The following KHDRBS1 variants were observed in gnomAD, a reference collection of about 807,000 sequenced individuals.
The protein encoded by KHDRBS1 is KH domain-containing, RNA-binding, signal transduction-associated protein 1.
In KHDRBS1, 7 loss-of-function variants were observed where a neutral mutation model predicts 48.4. The ratio of observed to expected loss-of-function variants is 0.14; its 90% CI spans 0.08 to 0.27. KHDRBS1 has a LOEUF of 0.27. KHDRBS1 is among the 10% of genes least tolerant of loss of function. The pLI, the probability that KHDRBS1 is intolerant of heterozygous loss-of-function variation, is 1.00. For synonymous variants in KHDRBS1, 241 were observed against 235.8 expected, an observed-to-expected ratio of 1.02 and a Z score of -0.20; for missense variants, 458 against 601.2, an observed-to-expected ratio of 0.76 and a Z score of 2.49.
At chr1:32,037,733 G>A (rs1639209278) in intron 5 of KHDRBS1, 102 bp from the exon 6 acceptor site, 1 of 1,263,136 alleles carries the variant, frequency 7.9e-7, no homozygotes, top group East Asian at 2.3e-5. Context: ...CCTAGTTAAG[G>A]CTTCATAAAA....
rs550668762 is a variant in KHDRBS1 at position 32,022,567 on chromosome 1, C to T, written c.383-7731C>T. On this transcript the variant is annotated intron_variant, in intron 1 of 8. Coordinates refer to ENST00000327300, the MANE Select transcript of KHDRBS1 (RefSeq NM_006559.3). ...CTCTGGATACTTAGAAAATCTTGAC[C>T]ATTGTCTTGTTCCTTATGCAGGCCA... is the stretch of plus-strand genomic sequence containing the variant. 2.0e-5 allele frequency among the ~76,000 whole-genome samples: 3 copies of T among 152,162 alleles called. No homozygotes were observed. In the East Asian group the frequency reaches 5.8e-4, roughly 30 times the overall value.
chr1:32,043,312 A>G lies in KHDRBS1; in HGVS notation c.*688A>G, dbSNP rs1287600373. ...AAAAAAACAACAAAATTAGGCTTGT[A>G]AAACTGACTTTTTCATTACGTGGGT... is the stretch of plus-strand genomic sequence containing the variant. On this transcript the variant is annotated 3_prime_UTR_variant, in exon 9 of 9. Coordinates refer to ENST00000327300, the MANE Select transcript of KHDRBS1 (RefSeq NM_006559.3). 1 of 152,490 alleles carries G rather than the reference A, an allele frequency of 6.6e-6. No homozygotes were observed. Among genetic ancestry groups the G allele is most frequent in the Non-Finnish European group, 1.5e-5 (1 of 68,016 alleles). The allele number at this position is 152,490 out of a possible 1,614,324, so 9.4% of individuals were successfully genotyped here.
chr1:32,018,988 A>C (rs1236780342), intron 1 of KHDRBS1, among the ~76,000 whole-genome samples: 7 of 147,986 alleles, frequency 4.7e-5, no homozygotes, highest in African/African-American at 1.8e-4. Flanking sequence ...CCAGCTACTC[A>C]GGAGGCTGAG....
At chr1:32,047,322 A>C (rs1639369480), downstream of KHDRBS1, among the ~76,000 whole-genome samples, 1 of 152,030 alleles carries the variant, frequency 6.6e-6, no homozygotes, top group Non-Finnish European at 1.5e-5. Context: ...CCACGCCTGG[A>C]TAATTTTTGT....
chr1:32,026,908 C>T (rs190236737), intron 1 of KHDRBS1, among the ~76,000 whole-genome samples: 33 of 152,276 alleles, frequency 2.2e-4, no homozygotes, highest in Admixed American at 9.8e-4. Flanking sequence ...GATTCTCCTC[C>T]CTCAGCCTCC....
chr1:32,049,869 G>A (rs1049390392), intron 10 of KHDRBS1, among the ~76,000 whole-genome samples: 5 of 151,898 alleles, frequency 3.3e-5, no homozygotes, highest in Non-Finnish European at 5.9e-5. Flanking sequence ...CACCGTGTTA[G>A]CCAGGATGGT....
intron 1 of KHDRBS1, among the ~76,000 whole-genome samples, chr1:32,019,091 C>T (rs560553605): frequency 6.6e-6 from 1 of 152,052 alleles, no homozygotes; most frequent in Non-Finnish European, 1.5e-5. Context: ...GAGCGAGACT[C>T]TGTCTTAAAA....
downstream of KHDRBS1, among the ~76,000 whole-genome samples, chr1:32,044,240 GA>G (rs530076053): frequency 4.5e-4 from 68 of 152,192 alleles, no homozygotes; most frequent in Non-Finnish European, 9.0e-4. Context: ...ACCTTCTGTA[GA>G]ACCCCTAGGT....
downstream of KHDRBS1, among the ~76,000 whole-genome samples, chr1:32,045,813 C>T (rs1046974201): frequency 3.3e-5 from 5 of 152,202 alleles, no homozygotes; most frequent in Non-Finnish European, 7.3e-5. Context: ...ACCACAGGAA[C>T]GATCTTGAAA....
At chr1:32,038,171 A>G in intron 6 of KHDRBS1, 135 bp downstream of exon 6, 3 of 1,362,078 alleles carry the variant, frequency 2.2e-6, no homozygotes, top group Non-Finnish European at 3.0e-6. Flanking sequence ...CTTCTCTTGC[A>G]GTGAATGTTG....
intron 8 of KHDRBS1, among the ~76,000 whole-genome samples, chr1:32,040,076 C>A (rs6696671): frequency 0.037 from 5,641 of 152,038 alleles, 341 homozygotes; most frequent in African/African-American, 0.13. Context: ...TGAAAGGGAC[C>A]TAGATGGCAA....
At position 32,015,487 on chromosome 1, in the gene KHDRBS1, T is replaced by C. The variant is rs1040071249; in HGVS notation, c.382+1110T>C. ...AAATATTATCTCCCTCCCTTTGTTC[T>C]CTGTCTCCCAACACTGTAAGGTAAG... On this transcript the variant is annotated intron_variant, in intron 1 of 8. Coordinates refer to ENST00000327300, the MANE Select transcript of KHDRBS1 (RefSeq NM_006559.3). Among the ~76,000 whole-genome samples the C allele has an allele frequency of 2.0e-5, 3 of 152,326 alleles. No individual in the cohort carries two copies. In the East Asian group the frequency reaches 5.8e-4, roughly 29 times the overall value.
At position 32,031,769 on chromosome 1, in the gene KHDRBS1, C is replaced by T; in HGVS notation, c.624+129C>T. On this transcript the variant is annotated intron_variant, in intron 3 of 8. Transcript: ENST00000327300. ...AGAATGTGGCTCCTTTAAGTTTGCA[C>T]TGGATGCAAGAGATTATACACCAAG... 7.3e-6 allele frequency: 4 copies of T among 548,840 alleles called. No homozygotes were observed. The East Asian group carries it at 1.2e-4, about 17-fold the overall frequency. The allele number at this position is 548,840 out of a possible 1,614,324, so 34.0% of individuals were successfully genotyped here. A position where few individuals can be genotyped will look rare whatever the true frequency, so the allele number is the denominator to read the frequency against.
chr1:32,057,747 T>C (rs1298769821), intron 10 of KHDRBS1, among the ~76,000 whole-genome samples: 57 of 144,502 alleles, frequency 3.9e-4, no homozygotes, highest in Admixed American at 6.9e-4. Context: ...TGCAGTGAGC[T>C]GAGATCGCGC....
intron 10 of KHDRBS1, among the ~76,000 whole-genome samples, chr1:32,050,523 G>A (rs1044726624): frequency 2.6e-5 from 4 of 151,640 alleles, no homozygotes; most frequent in African/African-American, 4.8e-5. Context: ...TTGTTTGTTT[G>A]TTTTTTGGAG....
rs191184767 is a variant in KHDRBS1 at position 32,043,704 on chromosome 1, T to A, written c.*1080T>A. The A allele has an allele frequency of 6.5e-6, 1 of 152,720 alleles. No homozygotes were observed. The highest frequency in any genetic ancestry group is 6.5e-5 in the Admixed American group (1 of 15,296). The allele number at this position is 152,720 out of a possible 1,614,324, so 9.5% of individuals were successfully genotyped here. A position where few individuals can be genotyped will look rare whatever the true frequency, so the allele number is the denominator to read the frequency against. The stretch of plus-strand genomic sequence containing the variant: ...ACACTGCAGCTGAATGAAAAAGGAA[T>A]CAAAATCCACTTTGTACATAAGTTA... On this transcript the variant is annotated 3_prime_UTR_variant, in exon 9 of 9. Coordinates refer to ENST00000327300, the MANE Select transcript of KHDRBS1 (RefSeq NM_006559.3).
intron 4 of KHDRBS1, among the ~76,000 whole-genome samples, chr1:32,034,345 C>A (rs558760890): frequency 1.3e-5 from 2 of 151,740 alleles, no homozygotes; most frequent in African/African-American, 4.8e-5. Flanking sequence ...GGCAGATCAC[C>A]TGAGGTCGGG....
At chr1:32,056,688 G>T (rs1190201796) in intron 10 of KHDRBS1, among the ~76,000 whole-genome samples, 1 of 152,188 alleles carries the variant, frequency 6.6e-6, no homozygotes, top group African/African-American at 2.4e-5. Flanking sequence ...GCTCTCTGGG[G>T]TTGGAATGTA....
chr1:32,045,198 A>T (rs1176122985), downstream of KHDRBS1: 1 of 152,648 alleles, frequency 6.6e-6, no homozygotes, highest in Non-Finnish European at 1.5e-5. Context: ...ATGAAACTTT[A>T]CTTAAAATTT....
Sources: gnomAD v4.1 joint callset for allele counts (sites outside exome capture counted in the v4.1 genomes callset) on GRCh38, gnomAD v4.1.1 for gene constraint, MANE v1.5 for transcripts, NCBI Gene and HGNC (gene_info 2026-07-23, HGNC 2026-07-21) for gene names.